The following UBE2H variants were observed in gnomAD, a reference collection of about 807,000 sequenced individuals.
UBE2H encodes the protein ubiquitin conjugating enzyme E2 H.
In UBE2H, 3 loss-of-function variants were observed where a neutral mutation model predicts 29.0. The ratio of observed to expected loss-of-function variants is 0.10; its 90% CI spans 0.05 to 0.27. The LOEUF (loss-of-function observed/expected upper bound fraction) is 0.27, where lower values mean the gene tolerates loss of function less well. UBE2H is among the 10% of genes least tolerant of loss of function. The pLI, the probability that UBE2H is intolerant of heterozygous loss-of-function variation, is 1.00. For synonymous variants in UBE2H, 69 were observed against 82.9 expected (o/e 0.83, Z 0.91); for missense variants, 68 against 228.2 (o/e 0.30, Z 4.52).
At chr7:129,950,881 C>T (rs1807861049) in intron 1 of UBE2H, among the ~76,000 whole-genome samples, 1 of 152,194 alleles carries the variant, frequency 6.6e-6, no homozygotes, top group Admixed American at 6.5e-5. Flanking sequence ...ATCACAGCCA[C>T]AAACAGCTCA....
chr7:129,870,839 C>A (rs1334447718), intron 3 of UBE2H, among the ~76,000 whole-genome samples: 1 of 151,674 alleles, frequency 6.6e-6, no homozygotes, highest in East Asian at 1.9e-4. Flanking sequence ...TGAACTCAAC[C>A]CTGCCTGCCA....
intron 1 of UBE2H, among the ~76,000 whole-genome samples, chr7:129,890,056 C>T (rs971130902): frequency 6.6e-6 from 1 of 151,928 alleles, no homozygotes; most frequent in Non-Finnish European, 1.5e-5. Flanking sequence ...TTGCTGGAGC[C>T]CAGGAGTTTG....
At chr7:129,848,923 A>T (rs1342482281) in intron 5 of UBE2H, among the ~76,000 whole-genome samples, 2 of 147,098 alleles carry the variant, frequency 1.4e-5, no homozygotes, top group Non-Finnish European at 3.0e-5. Flanking sequence ...ATTTGGAGTT[A>T]ACAGATTTTC....
In UBE2H at chr7:129,832,249, G is replaced by A. The variant is rs1225002920; in HGVS notation, c.*2688C>T. 6.6e-6 allele frequency: 1 copy of A among 152,216 alleles called. No individual in the cohort carries two copies. The highest frequency in any genetic ancestry group is 2.4e-5 in the African/African-American group (1 of 41,412). 9.4% of individuals were successfully genotyped at this position (152,216 alleles called of 1,614,324 possible). On this transcript the variant is annotated 3_prime_UTR_variant, in exon 7 of 7. Transcript: ENST00000355621. ...GAGGACAAAAAGCATAAGGGACTCTGTTCAACCCAGCAAAAGTCAGTTTCC... is the reference window on the plus strand; with the variant it reads ...GAGGACAAAAAGCATAAGGGACTCTATTCAACCCAGCAAAAGTCAGTTTCC...
chr7:129,930,147 C>A (rs967565032), intron 1 of UBE2H, among the ~76,000 whole-genome samples: 18 of 152,180 alleles, frequency 1.2e-4, no homozygotes, highest in African/African-American at 4.3e-4. Flanking sequence ...ACACTCTGGT[C>A]TCAGCACGCT....
intron 1 of UBE2H, among the ~76,000 whole-genome samples, chr7:129,950,298 A>AGAAAGGAAGGAAGGTGGG (rs1807848154): frequency 6.6e-6 from 1 of 152,190 alleles, no homozygotes; most frequent in African/African-American, 2.4e-5. Flanking sequence ...TTCTTTTGTC[A>AGAAAGGAAGGAAGGTGGG]GAAAGGAAGG....
chr7:129,857,253 G>A (rs73161605), intron 5 of UBE2H: 86 of 487,742 alleles, frequency 1.8e-4, no homozygotes, highest in Middle Eastern at 5.2e-4. Flanking sequence ...GTGTGCGCAT[G>A]TACTCATGTG....
chr7:129,852,494 G>A (rs1805629556), intron 5 of UBE2H, among the ~76,000 whole-genome samples: 1 of 151,832 alleles, frequency 6.6e-6, no homozygotes, highest in South Asian at 2.1e-4. Flanking sequence ...TGTATCTCTT[G>A]CCTAATCTCA....
chr7:129,886,015 G>A (rs1201586075), intron 1 of UBE2H, among the ~76,000 whole-genome samples: 2 of 152,168 alleles, frequency 1.3e-5, no homozygotes. Context: ...ATCGATTTCT[G>A]GATGTGCTGG....
intron 1 of UBE2H, among the ~76,000 whole-genome samples, chr7:129,895,358 G>A (rs1186644032): frequency 6.6e-6 from 1 of 152,192 alleles, no homozygotes; most frequent in Admixed American, 6.5e-5. Flanking sequence ...CATGCAGGAA[G>A]AACCTTGTCA....
chr7:129,908,786 C>A (rs921602570), intron 1 of UBE2H, among the ~76,000 whole-genome samples: 2 of 152,166 alleles, frequency 1.3e-5, no homozygotes, highest in Admixed American at 6.5e-5. Flanking sequence ...TTATCCCCAA[C>A]AAAGACTGCC....
intron 1 of UBE2H, among the ~76,000 whole-genome samples, chr7:129,891,672 C>T (rs1156917424): frequency 1.3e-5 from 2 of 151,806 alleles, no homozygotes; most frequent in African/African-American, 2.4e-5. Context: ...CATGGTGGCA[C>T]GTGCCTGTAA....
chr7:129,886,868 CCTT>C (rs1361744295), intron 1 of UBE2H, among the ~76,000 whole-genome samples: 1 of 150,544 alleles, frequency 6.6e-6, no homozygotes, highest in African/African-American at 2.4e-5. Context: ...TACAAGGAAT[CCTT>C]CTCTTTTAGA....
At chr7:129,902,787 A>G (rs1445304394) in intron 1 of UBE2H, among the ~76,000 whole-genome samples, 4 of 152,132 alleles carry the variant, frequency 2.6e-5, no homozygotes, top group Admixed American at 2.0e-4. Flanking sequence ...TCCCCCCACC[A>G]TTTACAAAAG....
At chr7:129,923,425 T>C (rs926156884) in intron 1 of UBE2H, among the ~76,000 whole-genome samples, 2 of 152,230 alleles carry the variant, frequency 1.3e-5, no homozygotes, top group African/African-American at 4.8e-5. Flanking sequence ...GCAATATCAT[T>C]AATCATAATT....
At chr7:129,867,188 G>A (rs1805921400) in intron 3 of UBE2H, among the ~76,000 whole-genome samples, 1 of 152,080 alleles carries the variant, frequency 6.6e-6, no homozygotes, top group Non-Finnish European at 1.5e-5. Context: ...CACAGCCCCA[G>A]GAGGTCCTGA....
At chr7:129,879,841 A>G (rs1267309780) in intron 2 of UBE2H, among the ~76,000 whole-genome samples, 199 bp from the exon 3 acceptor site, 1 of 152,266 alleles carries the variant, frequency 6.6e-6, no homozygotes, top group Non-Finnish European at 1.5e-5. Context: ...GAGTTAAAAA[A>G]TAAGCAGATT....
At chr7:129,907,149 G>A (rs1041030452) in intron 1 of UBE2H, among the ~76,000 whole-genome samples, 1 of 149,782 alleles carries the variant, frequency 6.7e-6, no homozygotes, top group African/African-American at 2.5e-5. Context: ...TTTTTTTTGA[G>A]CAAAGTGCTA....
intron 3 of UBE2H, among the ~76,000 whole-genome samples, chr7:129,867,723 C>CAAAAAAAAAAAAAAAAAAAAAAAAAAAAA (rs1563027569): frequency 1.5e-5 from 1 of 65,560 alleles, no homozygotes; most frequent in Non-Finnish European, 2.7e-5. Flanking sequence ...AAAAAGAAAA[C>CAAAAAAAAAAAAAAAAAAAAAAAAAAAAA]CAAAAAAAAA....
Sources: gnomAD v4.1 joint callset for allele counts (sites outside exome capture counted in the v4.1 genomes callset) on GRCh38, gnomAD v4.1.1 for gene constraint, MANE v1.5 for transcripts, NCBI Gene and HGNC (gene_info 2026-07-23, HGNC 2026-07-21) for gene names.